Variants in TJP1 observed in about 807,000 individuals in gnomAD.
TJP1 encodes tight junction protein ZO-1.
A neutral mutation model predicts 194.2 loss-of-function variants in TJP1; 43 were observed. The ratio of observed to expected loss-of-function variants is 0.22; its 90% confidence interval spans 0.17 to 0.29. The LOEUF (loss-of-function observed/expected upper bound fraction) is 0.29. Among genes scored for constraint, TJP1 ranks in the 10% least tolerant of loss-of-function variants. TJP1 has a pLI of 1.00. For synonymous variants in TJP1, 801 were observed against 779.0 expected, an observed-to-expected ratio of 1.03 and a Z score of -0.47; for missense variants, 1,971 against 2,185.7, an observed-to-expected ratio of 0.90 and a Z score of 1.96.
At chr15:29,728,376 C>A in intron 15 of TJP1, 1 of 188,510 alleles carries the variant, frequency 5.3e-6, no homozygotes, top group Non-Finnish European at 1.1e-5. Flanking sequence ...GTATGGCACA[C>A]TGAGATAAAC....
chr15:29,813,415 A>G (rs1212021644), intron 1 of TJP1, among the ~76,000 whole-genome samples: 1 of 152,206 alleles, frequency 6.6e-6, no homozygotes, highest in Non-Finnish European at 1.5e-5. Flanking sequence ...AGTCTAACTG[A>G]AACTATTTTC....
intron 1 of TJP1, among the ~76,000 whole-genome samples, chr15:29,820,176 T>C (rs539675568): frequency 2.0e-3 from 304 of 151,454 alleles, no homozygotes; most frequent in African/African-American, 5.7e-3. Flanking sequence ...TTTTTTTTTT[T>C]CCAAACTGAA....
chr15:29,877,404 A>T (rs1456580933), intron 2 of TJP1, among the ~76,000 whole-genome samples: 1 of 152,160 alleles, frequency 6.6e-6, no homozygotes, highest in Non-Finnish European at 1.5e-5. Context: ...TTTCATAGAC[A>T]CAGGGTCTCA....
chr15:29,961,815 C>G (rs1405619728), intron 1 of TJP1, among the ~76,000 whole-genome samples: 3 of 152,206 alleles, frequency 2.0e-5, no homozygotes, highest in Non-Finnish European at 2.9e-5. Context: ...AGCATCCCCT[C>G]AGAGGCTTGC....
intron 8 of TJP1, among the ~76,000 whole-genome samples, chr15:29,757,512 T>A (rs1022061286): frequency 1.3e-5 from 2 of 152,208 alleles, no homozygotes; most frequent in African/African-American, 4.8e-5. Context: ...GTATCTAAGT[T>A]GTTTCTCAAA....
intron 8 of TJP1, chr15:29,758,901 T>G (rs1372460224): frequency 6.6e-6 from 1 of 152,214 alleles, no homozygotes. Context: ...TCTCATAATT[T>G]ATAAATCTAG....
chr15:29,788,102 A>G (rs549971301), intron 2 of TJP1, among the ~76,000 whole-genome samples: 32 of 152,304 alleles, frequency 2.1e-4, no homozygotes, highest in Admixed American at 2.0e-3. Context: ...TTGCACATTC[A>G]TACATCTTCT....
intron 2 of TJP1, among the ~76,000 whole-genome samples, chr15:29,828,735 CTTTTT>C (rs60018975): frequency 2.2e-5 from 3 of 133,348 alleles, no homozygotes; most frequent in Non-Finnish European, 4.9e-5. Flanking sequence ...TGAATTGAGT[CTTTTT>C]TTTTTTTTTT....
chr15:29,906,243 TG>T (rs2053805800), intron 2 of TJP1, among the ~76,000 whole-genome samples: 1 of 151,746 alleles, frequency 6.6e-6, no homozygotes. Flanking sequence ...GAGGCCGAGG[TG>T]GGTGGATCAC....
At chr15:29,807,897 T>C (rs1052070347) in intron 1 of TJP1, among the ~76,000 whole-genome samples, 2 of 152,202 alleles carry the variant, frequency 1.3e-5, no homozygotes, top group Non-Finnish European at 2.9e-5. Flanking sequence ...TAAGTTTTTA[T>C]ATATCCTACA....
rs750297721 is a variant in TJP1, at chr15:29,726,387, C to T, written c.2404G>A (p.Glu802Lys). The T allele has an allele frequency of 3.1e-6, 5 of 1,613,742 alleles. No homozygotes were observed. The highest frequency in any genetic ancestry group is 2.2e-5 in the South Asian group (2 of 91,050). The change falls in exon 18 of 28, where the codon GAG becomes AAG. Residue 802 changes from glutamate (E) to lysine (K), a missense_variant. Physicochemically the swap from Glu to Lys is moderately conservative, Grantham distance 56. Around this residue, in one of 5 missense-constraint regions of TJP1, gnomAD observed 402 missense variants for 484.2 expected, o/e 0.83. Transcript: ENST00000614355. ...QQQNQLVWVS[E>K]GKADGATSDD... ...AATAGGAAATGTCTTACCTTTCCCT[C>T]GGAAACCCATACCAGCTGGTTTTGC... is the stretch of plus-strand genomic sequence containing the variant.
chr15:29,757,506 C>CT (rs1232436079), intron 8 of TJP1, among the ~76,000 whole-genome samples: 2 of 152,160 alleles, frequency 1.3e-5, no homozygotes, highest in Non-Finnish European at 2.9e-5. Flanking sequence ...TATAATGTAT[C>CT]TAAGTTGTTT....
chr15:29,968,787 G>T, exon 1 of TJP1: 1 of 1,212,510 alleles, frequency 8.2e-7, no homozygotes, highest in Non-Finnish European at 1.1e-6. Flanking sequence ...CTCGCGGGCA[G>T]GGCCCCGCCG....
chr15:29,946,887 A>G (rs951758138), intron 2 of TJP1, among the ~76,000 whole-genome samples: 2 of 152,240 alleles, frequency 1.3e-5, no homozygotes, highest in Non-Finnish European at 2.9e-5. Flanking sequence ...AAGGTTGCAC[A>G]GTAAAACAAG....
In TJP1 at chr15:29,804,865, A is replaced by T. The variant is rs563771806; in HGVS notation, c.28-4163T>A. ...ACTACCATTCCCTAGTAACTCAGAC[A>T]GATGCTGGTAAACAGGAAATGAACT... On this transcript the variant is annotated intron_variant, in intron 1 of 27. Transcript: ENST00000614355. Among the ~76,000 whole-genome samples, 3 of 152,310 alleles carry T rather than the reference A, an allele frequency of 2.0e-5. No homozygotes were observed. The South Asian group carries it at 6.2e-4, about 32-fold the overall frequency.
chr15:29,967,368 TA>T (rs200708957), intron 1 of TJP1, among the ~76,000 whole-genome samples: 68 of 145,356 alleles, frequency 4.7e-4, no homozygotes, highest in South Asian at 3.3e-3. Flanking sequence ...TAAATTTATT[TA>T]AAAAAAAAAA....
At chr15:29,840,291 C>A (rs2051176619) in intron 2 of TJP1, among the ~76,000 whole-genome samples, 1 of 152,122 alleles carries the variant, frequency 6.6e-6, no homozygotes, top group South Asian at 2.1e-4. Context: ...TTTTTGGCAT[C>A]AAGTCTAACA....
chr15:29,932,417 C>T (rs1011233203), intron 2 of TJP1, among the ~76,000 whole-genome samples: 4 of 152,134 alleles, frequency 2.6e-5, no homozygotes, highest in African/African-American at 9.7e-5. Context: ...GCTGAGACAA[C>T]TGGTAATCCA....
At chr15:29,737,008 C>T (rs894524843) in intron 11 of TJP1, among the ~76,000 whole-genome samples, 12 of 152,104 alleles carry the variant, frequency 7.9e-5, no homozygotes, top group African/African-American at 2.9e-4. Flanking sequence ...TTTCCATGAA[C>T]ACGAGTGGTA....
Sources: allele counts gnomAD v4.1 joint callset (sites outside exome capture counted in the v4.1 genomes callset), GRCh38; gene constraint gnomAD v4.1.1; regional missense constraint gnomAD v4.1.1; transcripts MANE v1.5; gene names NCBI Gene and HGNC (gene_info 2026-07-23, HGNC 2026-07-21).